The following EFHC2 variants were observed in gnomAD, a reference collection of about 807,000 sequenced individuals.
EFHC2 encodes EF-hand domain-containing family member C2.
EFHC2 carries 18 observed loss-of-function variants against 52.7 expected under a neutral mutation model. The ratio of observed to expected loss-of-function variants is 0.34; its 90% confidence interval spans 0.24 to 0.51. EFHC2 has a LOEUF of 0.51. Among genes scored for constraint, EFHC2 ranks in the 20% least tolerant of loss-of-function variants. EFHC2 has a pLI of 0.97. For missense variants in EFHC2, 513 were observed against 562.5 expected, an observed-to-expected ratio of 0.91 and a Z score of 0.89; for synonymous variants, 203 against 204.1, an observed-to-expected ratio of 0.99 and a Z score of 0.04.
rs768046049 is a variant in EFHC2 at position 44,240,109 on chromosome X, T to TA, written c.1280+2011dup. ...CTCAATTCACAGTTTATTTGTATTTTAAAAAACTATTCTTTGTATGCTTTG... is the reference window on the plus strand; with the variant it reads ...CTCAATTCACAGTTTATTTGTATTTTAAAAAAACTATTCTTTGTATGCTTTG... On this transcript the variant is annotated intron_variant, in intron 8 of 14. Transcript: ENST00000420999. Among the ~76,000 whole-genome samples the TA allele has an allele frequency of 1.8e-3, 200 of 112,439 alleles. 1 individual carries two copies. The highest frequency in any genetic ancestry group is 6.1e-3 in the African/African-American group (188 of 30,969).
At chrX:44,238,897 T>C (rs752765529) in intron 8 of EFHC2, among the ~76,000 whole-genome samples, 1 of 111,970 alleles carries the variant, frequency 8.9e-6, no homozygotes, top group South Asian at 3.8e-4. Flanking sequence ...CTCCCAGAAC[T>C]AGAATATAAG....
chrX:44,318,957 AG>A (rs2037999553), intron 1 of EFHC2, among the ~76,000 whole-genome samples: 1 of 109,165 alleles, frequency 9.2e-6, no homozygotes, highest in Admixed American at 9.9e-5. Flanking sequence ...ATCCACTAAC[AG>A]TGGGCAGGGT....
intron 1 of EFHC2, among the ~76,000 whole-genome samples, chrX:44,334,763 C>T (rs1405939013): frequency 1.8e-5 from 2 of 112,225 alleles, no homozygotes; most frequent in African/African-American, 6.5e-5. Context: ...CATGAGCCAC[C>T]GCACCTGGCC....
intron 11 of EFHC2, among the ~76,000 whole-genome samples, chrX:44,206,462 C>T (rs1298762739): frequency 9.0e-6 from 1 of 111,728 alleles, no homozygotes; most frequent in African/African-American, 3.3e-5. Flanking sequence ...TAAAAAACTC[C>T]AAAGGTTCCT....
At chrX:44,161,319 T>C (rs753504183) in intron 14 of EFHC2, among the ~76,000 whole-genome samples, 1 of 111,794 alleles carries the variant, frequency 8.9e-6, no homozygotes, top group African/African-American at 3.3e-5. Flanking sequence ...GGGAAGTGTT[T>C]AGAAAAACCA....
intron 1 of EFHC2, among the ~76,000 whole-genome samples, chrX:44,323,723 C>T (rs2038036263): frequency 9.0e-6 from 1 of 111,457 alleles, no homozygotes; most frequent in Non-Finnish European, 1.9e-5. Flanking sequence ...ATTCAAGAGC[C>T]CTCCACAAGG....
intron 8 of EFHC2, among the ~76,000 whole-genome samples, chrX:44,237,464 C>A (rs943934804): frequency 3.1e-4 from 34 of 111,434 alleles, no homozygotes; most frequent in African/African-American, 1.1e-3. Flanking sequence ...GTGTTTATTC[C>A]CGTTGTCCCC....
At chrX:44,243,788 G>A (rs2037378891) in intron 7 of EFHC2, among the ~76,000 whole-genome samples, 2 of 107,127 alleles carry the variant, frequency 1.9e-5, no homozygotes, top group African/African-American at 7.6e-5. Flanking sequence ...TATTTTTATG[G>A]TGATTTTAAA....
intron 11 of EFHC2, among the ~76,000 whole-genome samples, chrX:44,201,177 G>C (rs1270552104): frequency 9.0e-6 from 1 of 111,164 alleles, no homozygotes; most frequent in Non-Finnish European, 1.9e-5. Flanking sequence ...TAACTAATTG[G>C]TCAAAAAAGA....
intron 11 of EFHC2, among the ~76,000 whole-genome samples, chrX:44,207,757 G>A (rs1439854501): frequency 9.0e-6 from 1 of 111,260 alleles, no homozygotes; most frequent in Non-Finnish European, 1.9e-5. Flanking sequence ...CTATGAACCT[G>A]ACTAAAGGAC....
Position 44,177,623 on chromosome X carries a change from C to T in EFHC2, c.1949+744G>A, listed in dbSNP as rs189740775. Among the ~76,000 whole-genome samples the T allele has an allele frequency of 1.7e-3, 192 of 112,054 alleles. 1 individual carries two copies. The highest frequency in any genetic ancestry group is 4.6e-3 in the Middle Eastern group (1 of 216). ...GACTTAATGAAGCTCAACACGCACA[C>T]AATCAATGTATAAGAAATAGCTTAT... On this transcript the variant is annotated intron_variant, in intron 12 of 14. Transcript: ENST00000420999.
intron 2 of EFHC2, among the ~76,000 whole-genome samples, chrX:44,281,990 G>A (rs2037705438): frequency 9.0e-6 from 1 of 111,027 alleles, no homozygotes; most frequent in African/African-American, 3.3e-5. Flanking sequence ...AATTTTCTGC[G>A]GCAATGTAAT....
intron 14 of EFHC2, among the ~76,000 whole-genome samples, chrX:44,150,937 C>G (rs770566333): frequency 1.6e-3 from 179 of 110,332 alleles, no homozygotes; most frequent in Non-Finnish European, 2.8e-3. Context: ...TAGGGTGGGC[C>G]CCTAATCCAA....
chrX:44,239,868 C>G (rs2037347179), intron 8 of EFHC2, among the ~76,000 whole-genome samples: 1 of 111,234 alleles, frequency 9.0e-6, no homozygotes, highest in Admixed American at 9.6e-5. Context: ...CCTGGTTCTC[C>G]CTCCTCAGAC....
chrX:44,230,449 C>T (rs1482935265), intron 10 of EFHC2, among the ~76,000 whole-genome samples: 1 of 111,402 alleles, frequency 9.0e-6, no homozygotes, highest in East Asian at 2.8e-4. Flanking sequence ...CTAAAGATCC[C>T]TCTCTCCCAC....
At chrX:44,200,360 G>C (rs901628501) in intron 11 of EFHC2, among the ~76,000 whole-genome samples, 2 of 111,218 alleles carry the variant, frequency 1.8e-5, no homozygotes, top group African/African-American at 6.5e-5. Context: ...CCATGAATTT[G>C]GGACAATAGA....
chrX:44,336,244 G>A (rs752120737), intron 1 of EFHC2, among the ~76,000 whole-genome samples: 1 of 109,672 alleles, frequency 9.1e-6, no homozygotes, highest in African/African-American at 3.3e-5. Context: ...AAAATTAGCC[G>A]GGCGTGGTGG....
rs186628163 is a variant in EFHC2 at position 44,299,939 on chromosome X, A to G, written c.231+12629T>C. 2.2e-4 allele frequency among the ~76,000 whole-genome samples: 25 copies of G among 111,918 alleles called. 1 individual carries two copies. Among genetic ancestry groups the G allele is most frequent in the Middle Eastern group, 9.2e-3 (2 of 218 alleles). ...TTTTGTGACTTTTTGTGAGTCCAAA[A>G]TTACTTTAAAAAAAATTTTTTTAAG... is the stretch of plus-strand genomic sequence containing the variant. On this transcript the variant is annotated intron_variant, in intron 2 of 14. Coordinates refer to ENST00000420999, the MANE Select transcript of EFHC2 (RefSeq NM_025184.4).
chrX:44,312,899 T>A lies in EFHC2; in HGVS notation c.43-143A>T, dbSNP rs971320089. 7 of 525,669 alleles carry A rather than the reference T, an allele frequency of 1.3e-5. No homozygotes were observed. In the Admixed American group the frequency reaches 1.9e-4, roughly 14 times the overall value. The allele number at this position is 525,669 out of a possible 1,213,427, so 43.3% of individuals were successfully genotyped here. On this transcript the variant is annotated intron_variant, in intron 1 of 14. Transcript: ENST00000420999. ...TAAAGTGGCAAATAATTATGATCAA[T>A]CTTTATCCATAAAGTTGTGTCACAT...
Sources: allele counts gnomAD v4.1 joint callset (sites outside exome capture counted in the v4.1 genomes callset), GRCh38; gene constraint gnomAD v4.1.1; transcripts MANE v1.5; gene names NCBI Gene and HGNC (gene_info 2026-07-23, HGNC 2026-07-21).